OCA2: variants seen among roughly 807,000 people sequenced by gnomAD.
OCA2 encodes the protein OCA2 melanosomal transmembrane protein.
Under a neutral mutation model 100.2 loss-of-function variants are expected in OCA2, and 77 were observed. That is an observed-to-expected ratio of 0.77 (90% confidence interval 0.64 to 0.93). OCA2 has a LOEUF of 0.93. Ranked by LOEUF, OCA2 falls within the 40% of genes least tolerant of loss-of-function variation. The probability of loss-of-function intolerance (pLI) is 0.00; values close to 1 mark genes in which losing one functional copy is unlikely to be tolerated. For synonymous variants in OCA2, 432 were observed against 439.2 expected (o/e 0.98, Z 0.21); for missense variants, 1,062 against 1,089.1 (o/e 0.98, Z 0.35).
Position 27,824,602 on chromosome 15 carries a change from C to CTCTCTCTCTCTCTCTCTATATA in OCA2, c.2432+20356_2432+20357insTATATAGAGAGAGAGAGAGAGA. On this transcript the variant is annotated intron_variant, in intron 23 of 23. Coordinates refer to ENST00000354638, the MANE Select transcript of OCA2 (RefSeq NM_000275.3). ...TTTCTCTCTCTCTCTCTCTCTCTCT[C>CTCTCTCTCTCTCTCTCTATATA]TATATATATATATATATATAATATA... Among the ~76,000 whole-genome samples, 63 of 47,592 alleles carry CTCTCTCTCTCTCTCTCTATATA rather than the reference C, an allele frequency of 1.3e-3. 1 individual carries two copies. The highest frequency in any genetic ancestry group is 2.8e-3 in the African/African-American group (18 of 6,326). The allele number at this position is 47,592 out of a possible 152,430, so 31.2% of individuals were successfully genotyped here. A position where few individuals can be genotyped will look rare whatever the true frequency, so the allele number is the denominator to read the frequency against.
intron 15 of OCA2, among the ~76,000 whole-genome samples, chr15:27,960,012 T>C (rs377446772): frequency 3.5e-4 from 53 of 152,174 alleles, no homozygotes; most frequent in Non-Finnish European, 6.3e-4. Flanking sequence ...AGGCTTCCTC[T>C]GCACCTCCTC....
At chr15:27,861,205 G>A (rs891191679) in intron 21 of OCA2, among the ~76,000 whole-genome samples, 1 of 152,186 alleles carries the variant, frequency 6.6e-6, no homozygotes, top group Non-Finnish European at 1.5e-5. Context: ...AGAAGGTGAG[G>A]TGTTAGCTGG....
chr15:27,763,247 T>C (rs2030983979), intron 23 of OCA2, among the ~76,000 whole-genome samples: 1 of 152,124 alleles, frequency 6.6e-6, no homozygotes. Context: ...ACCAAAAGTA[T>C]GATTCCATAA....
At chr15:27,921,108 C>CA (rs1329916301) in intron 19 of OCA2, among the ~76,000 whole-genome samples, 2 of 151,786 alleles carry the variant, frequency 1.3e-5, no homozygotes, top group East Asian at 3.9e-4. Flanking sequence ...TTAAAACTTT[C>CA]AAAAAACATA....
chr15:28,026,552 G>A (rs958637613), intron 4 of OCA2, among the ~76,000 whole-genome samples: 1 of 152,214 alleles, frequency 6.6e-6, no homozygotes, highest in African/African-American at 2.4e-5. Flanking sequence ...AGTGGGAAGA[G>A]ACAGCTCCAT....
intron 19 of OCA2, among the ~76,000 whole-genome samples, chr15:27,897,894 C>T (rs2037773390): frequency 6.6e-6 from 1 of 152,218 alleles, no homozygotes; most frequent in South Asian, 2.1e-4. Context: ...TGGGAACCCA[C>T]CTCTTGCATC....
intron 19 of OCA2, chr15:27,896,156 T>C (rs1424794691): frequency 3.1e-6 from 3 of 970,950 alleles, no homozygotes; most frequent in Non-Finnish European, 4.9e-6. Flanking sequence ...GAACTACCAG[T>C]GGCAATGAAG....
chr15:27,997,140 A>AG (rs2041768688), intron 9 of OCA2, among the ~76,000 whole-genome samples: 5 of 35,148 alleles, frequency 1.4e-4, no homozygotes, highest in Non-Finnish European at 1.0e-3. Context: ...AGAAGGAAGG[A>AG]AGAGAGAGAG....
In OCA2 at chr15:28,081,688, G is replaced by A. The variant is rs754549783; in HGVS notation, c.187C>T (p.Pro63Ser). The change falls in exon 2 of 24, where the codon CCT (proline) becomes TCT (serine). Residue 63 changes from proline (P) to serine (S), a missense_variant. Physicochemically the swap from Pro to Ser is moderately conservative, Grantham distance 74. Coordinates refer to ENST00000354638, the MANE Select transcript of OCA2 (RefSeq NM_000275.3). ...RGAAGQSSWA[P>S]AGQEFASFLT... ...AATGAAGCAAACTCCTGGCCTGCAG[G>A]AGCCCAAGAGCTCTGCCCGGCAGCC... 2 of 1,613,736 alleles carry A rather than the reference G, an allele frequency of 1.2e-6. No individual in the cohort carries two copies. Among genetic ancestry groups the A allele is most frequent in the Non-Finnish European group, 1.7e-6 (2 of 1,180,020 alleles).
At chr15:27,748,585 TATAATCC>T in the OCA2 span, among the ~76,000 whole-genome samples, 2 of 152,184 alleles carry the variant, frequency 1.3e-5, no homozygotes, top group African/African-American at 4.8e-5. Context: ...AACTTTTAAA[TATAATCC>T]ATAATGTCCT....
At chr15:27,985,519 A>G (rs1353804836) in intron 12 of OCA2, among the ~76,000 whole-genome samples, 7 of 152,126 alleles carry the variant, frequency 4.6e-5, no homozygotes, top group Admixed American at 4.6e-4. Flanking sequence ...GGGCTTTGAC[A>G]TTTGGGATCC....
chr15:27,946,265 G>A (rs1595696676), intron 18 of OCA2, among the ~76,000 whole-genome samples: 1 of 152,186 alleles, frequency 6.6e-6, no homozygotes, highest in Non-Finnish European at 1.5e-5. Flanking sequence ...GCAAGCTAAC[G>A]ATGGCCTGAG....
At chr15:28,079,762 C>G (rs989902791) in intron 2 of OCA2, among the ~76,000 whole-genome samples, 4 of 152,254 alleles carry the variant, frequency 2.6e-5, no homozygotes, top group Admixed American at 2.6e-4. Flanking sequence ...GACACCCCCT[C>G]CCCGTGCCCT....
chr15:27,771,782 T>C (rs2031888364), intron 23 of OCA2, among the ~76,000 whole-genome samples: 1 of 152,214 alleles, frequency 6.6e-6, no homozygotes, highest in Non-Finnish European at 1.5e-5. Flanking sequence ...ATTTTGTTAA[T>C]TTTTGCTTTC....
intron 14 of OCA2, among the ~76,000 whole-genome samples, chr15:27,970,095 A>T (rs1567173206): frequency 6.6e-6 from 1 of 152,046 alleles, no homozygotes; most frequent in Non-Finnish European, 1.5e-5. Flanking sequence ...TCCATCAAGC[A>T]TAGGTGCAGG....
intron 23 of OCA2, among the ~76,000 whole-genome samples, chr15:27,815,371 C>T (rs1002690858): frequency 6.6e-6 from 1 of 152,104 alleles, no homozygotes; most frequent in African/African-American, 2.4e-5. Flanking sequence ...AAATAAGCCC[C>T]TCAAAAGTAG....
the OCA2 span, among the ~76,000 whole-genome samples, chr15:27,743,481 C>T: frequency 6.6e-6 from 1 of 152,154 alleles, no homozygotes; most frequent in Admixed American, 6.5e-5. Context: ...TCCCAGAAGC[C>T]TTCTGGTGGA....
At chr15:28,006,868 G>A (rs984319608) in intron 9 of OCA2, among the ~76,000 whole-genome samples, 8 of 152,206 alleles carry the variant, frequency 5.3e-5, no homozygotes, top group Admixed American at 2.6e-4. Flanking sequence ...GTTATGATAC[G>A]TGCATTGGGT....
At chr15:27,777,417 C>G (rs1416410740) in intron 23 of OCA2, among the ~76,000 whole-genome samples, 2 of 152,190 alleles carry the variant, frequency 1.3e-5, no homozygotes, top group Non-Finnish European at 2.9e-5. Context: ...TATAATTTTA[C>G]AGTGAGAATG....
Sources: gnomAD v4.1 joint callset for allele counts (sites outside exome capture counted in the v4.1 genomes callset) on GRCh38, gnomAD v4.1.1 for gene constraint, MANE v1.5 for transcripts, NCBI Gene and HGNC (gene_info 2026-07-23, HGNC 2026-07-21) for gene names.